The following TACR1 variants were observed in gnomAD, a reference collection of about 807,000 sequenced individuals.
TACR1 encodes tachykinin receptor 1, also known as substance-P receptor.
Under a neutral mutation model 35.8 loss-of-function variants are expected in TACR1, and 25 were observed. The observed-to-expected ratio is 0.70, with a 90% CI of 0.51 to 0.98. The LOEUF (loss-of-function observed/expected upper bound fraction) is 0.98, where lower values mean the gene tolerates loss of function less well. Among genes scored for constraint, TACR1 ranks in the 50% least tolerant of loss-of-function variants. The pLI, the probability that TACR1 is intolerant of heterozygous loss-of-function variation, is 0.00. For synonymous variants in TACR1, 195 were observed against 206.7 expected (o/e 0.94, Z 0.48); for missense variants, 478 against 522.9 (o/e 0.91, Z 0.84).
intron 1 of TACR1, among the ~76,000 whole-genome samples, chr2:75,137,236 G>A (rs1674310821): frequency 6.6e-6 from 1 of 152,148 alleles, no homozygotes; most frequent in Non-Finnish European, 1.5e-5. Context: ...GGTCTTTACA[G>A]AGCATAATTA....
intron 2 of TACR1, among the ~76,000 whole-genome samples, chr2:75,075,295 C>T (rs1220033432): frequency 1.3e-5 from 2 of 152,196 alleles, no homozygotes; most frequent in Non-Finnish European, 2.9e-5. Context: ...CATGCTACAA[C>T]AGGAACTCTT....
intron 1 of TACR1, among the ~76,000 whole-genome samples, chr2:75,160,961 C>T (rs891169090): frequency 8.6e-5 from 13 of 151,792 alleles, no homozygotes; most frequent in Admixed American, 7.9e-4. Context: ...AAATATCAGG[C>T]TGGGCTCTAA....
At chr2:75,144,381 T>C (rs1572955044) in intron 1 of TACR1, among the ~76,000 whole-genome samples, 1 of 152,228 alleles carries the variant, frequency 6.6e-6, no homozygotes, top group East Asian at 1.9e-4. Context: ...CAGCCAACTA[T>C]GTTGCCACAA....
chr2:75,114,932 A>G (rs1026234982), intron 2 of TACR1, among the ~76,000 whole-genome samples: 1 of 152,262 alleles, frequency 6.6e-6, no homozygotes, highest in African/African-American at 2.4e-5. Flanking sequence ...AAACACAGAC[A>G]GGGAATGGCA....
intron 1 of TACR1, among the ~76,000 whole-genome samples, chr2:75,126,531 T>C (rs910959834): frequency 3.3e-5 from 5 of 152,134 alleles, no homozygotes; most frequent in Non-Finnish European, 7.4e-5. Flanking sequence ...CCCAAAGCTA[T>C]AAAAGCCCTG....
chr2:75,126,762 C>A (rs1449937328), intron 1 of TACR1, among the ~76,000 whole-genome samples: 1 of 152,150 alleles, frequency 6.6e-6, no homozygotes, highest in Non-Finnish European at 1.5e-5. Context: ...GGTCTAATAT[C>A]CAGCATCTGT....
intron 2 of TACR1, among the ~76,000 whole-genome samples, chr2:75,107,333 TA>T (rs1372362347): frequency 6.6e-6 from 1 of 151,930 alleles, no homozygotes; most frequent in Non-Finnish European, 1.5e-5. Flanking sequence ...CAAAAATCCA[TA>T]ACAGCAACAA....
intron 1 of TACR1, chr2:75,188,253 T>C (rs548816213): frequency 1.1e-4 from 16 of 152,360 alleles, no homozygotes; most frequent in Non-Finnish European, 1.6e-4. Flanking sequence ...AGACAAATTC[T>C]TTTATGAACA....
chr2:75,049,764 C>T (rs1156327467), intron 4 of TACR1, 41 bp from the exon 5 acceptor site: 5 of 1,585,342 alleles, frequency 3.2e-6, no homozygotes, highest in East Asian at 4.5e-5. Context: ...TTTGGGACGG[C>T]CTGCTCAGAG....
intron 1 of TACR1, among the ~76,000 whole-genome samples, chr2:75,152,850 G>T (rs1277321930): frequency 6.6e-6 from 1 of 152,152 alleles, no homozygotes; most frequent in African/African-American, 2.4e-5. Flanking sequence ...CTAGTGGGTG[G>T]ATCAAAGGCT....
intron 2 of TACR1, among the ~76,000 whole-genome samples, chr2:75,066,442 C>T (rs779409434): frequency 1.3e-5 from 2 of 152,136 alleles, no homozygotes; most frequent in Non-Finnish European, 2.9e-5. Flanking sequence ...TGAACAAATA[C>T]GTCAAGCACA....
rs779746590 is a variant in TACR1 at position 75,049,604 on chromosome 2, A to C, written c.1052T>G (p.Val351Gly). 6.2e-7 allele frequency: 1 copy of C among 1,614,090 alleles called. No individual in the cohort carries two copies. Among genetic ancestry groups the C allele is most frequent in the South Asian group, 1.1e-5 (1 of 91,084 alleles). The change falls in exon 5 of 5, where the codon GTC becomes GGC. Residue 351 changes from valine to glycine, a missense_variant. Physicochemically the swap from Val to Gly is moderately radical, Grantham distance 109 (BLOSUM62 -3). Transcript: ENST00000305249. ...GGAGATGGTGGTCTCCAGGCGGCTG[A>C]CTTTGTACACACTGCCCTGGGTCTG... The part of the protein sequence containing the change: ...YLQTQGSVYK[V>G]SRLETTISTV...
intron 2 of TACR1, among the ~76,000 whole-genome samples, chr2:75,112,854 G>A (rs968281931): frequency 6.6e-6 from 1 of 152,160 alleles, no homozygotes; most frequent in African/African-American, 2.4e-5. Context: ...AAAAAGTCAT[G>A]CTCAAAAACA....
chr2:75,057,524 C>G (rs1007874145), intron 2 of TACR1, among the ~76,000 whole-genome samples: 1 of 152,154 alleles, frequency 6.6e-6, no homozygotes, highest in Non-Finnish European at 1.5e-5. Context: ...ATGACATGTG[C>G]GACAACATGG....
chr2:75,069,983 T>G lies in TACR1; in HGVS notation c.585-16228A>C, dbSNP rs1312850035. Among the ~76,000 whole-genome samples the G allele has an allele frequency of 2.0e-5, 3 of 152,140 alleles. 1 individual carries two copies. Among genetic ancestry groups the G allele is most frequent in the African/African-American group, 7.2e-5 (3 of 41,424 alleles). On this transcript the variant is annotated intron_variant, in intron 2 of 4. Transcript: ENST00000305249. ...ACATTCACAGGATGAGGAGTCATGC[T>G]CCTCCCTTGAAGACAGATATCTGTA...
chr2:75,056,288 T>A (rs1041800084), intron 2 of TACR1, among the ~76,000 whole-genome samples: 2 of 152,216 alleles, frequency 1.3e-5, no homozygotes, highest in African/African-American at 4.8e-5. Flanking sequence ...ACTTTCCACT[T>A]GGATGCCTTT....
At chr2:75,079,051 C>T (rs1405453365) in intron 2 of TACR1, among the ~76,000 whole-genome samples, 1 of 152,130 alleles carries the variant, frequency 6.6e-6, no homozygotes, top group Non-Finnish European at 1.5e-5. Flanking sequence ...CTGGGGAGCT[C>T]ACCACCTCAC....
intron 2 of TACR1, among the ~76,000 whole-genome samples, chr2:75,077,055 C>A (rs554962603): frequency 1.3e-5 from 2 of 152,292 alleles, no homozygotes; most frequent in Admixed American, 6.5e-5. Flanking sequence ...ACCGTAACTT[C>A]TGCCTTCTGG....
chr2:75,117,616 TA>T (rs1406458252), intron 2 of TACR1, among the ~76,000 whole-genome samples: 1 of 152,194 alleles, frequency 6.6e-6, no homozygotes. Flanking sequence ...CGACTTACAA[TA>T]GGGTTAGATC....
Sources: gnomAD v4.1 joint callset for allele counts (sites outside exome capture counted in the v4.1 genomes callset) on GRCh38, gnomAD v4.1.1 for gene constraint, MANE v1.5 for transcripts, NCBI Gene and HGNC (gene_info 2026-07-23, HGNC 2026-07-21) for gene names.